The following CCDC172 variants were observed in gnomAD, a reference collection of about 807,000 sequenced individuals.
The protein encoded by CCDC172 is coiled-coil domain-containing protein 172.
A neutral mutation model predicts 38.0 loss-of-function variants in CCDC172; 30 were observed. That is an observed-to-expected ratio of 0.79 (90% CI 0.59 to 1.07). The LOEUF is 1.07. CCDC172 is among the 50% of genes least tolerant of loss of function. The pLI, the probability that CCDC172 is intolerant of heterozygous loss-of-function variation, is 0.00. For missense variants in CCDC172, 297 were observed against 290.1 expected, an observed-to-expected ratio of 1.02 and a Z score of -0.17; for synonymous variants, 78 against 88.3, an observed-to-expected ratio of 0.88 and a Z score of 0.66.
intron 7 of CCDC172, 91 bp from the exon 8 acceptor site, chr10:116,378,332 A>T: frequency 8.0e-7 from 1 of 1,254,128 alleles, no homozygotes; most frequent in Admixed American, 3.1e-5. Context: ...TGAAATTCTG[A>T]TTATAGAAGC....
intron 4 of CCDC172, among the ~76,000 whole-genome samples, chr10:116,341,396 T>A (rs921817034): frequency 6.6e-6 from 1 of 152,088 alleles, no homozygotes; most frequent in African/African-American, 2.4e-5. Flanking sequence ...AAAATGAGGC[T>A]TAAAATTCAT....
chr10:116,336,245 T>C (rs1202958878), intron 3 of CCDC172, among the ~76,000 whole-genome samples: 1 of 148,434 alleles, frequency 6.7e-6, no homozygotes, highest in African/African-American at 2.4e-5. Context: ...ATATTATATA[T>C]AATAGTATGT....
chr10:116,376,114 G>T (rs1008293249), intron 7 of CCDC172, among the ~76,000 whole-genome samples: 1 of 152,154 alleles, frequency 6.6e-6, no homozygotes, highest in Non-Finnish European at 1.5e-5. Flanking sequence ...GCAAAGACTT[G>T]GAACCATCCA....
At chr10:116,326,722 T>C in intron 3 of CCDC172, among the ~76,000 whole-genome samples, 1 of 152,210 alleles carries the variant, frequency 6.6e-6, no homozygotes. Context: ...ATCTGGAATT[T>C]TTTTCCTTAT....
At position 116,353,887 on chromosome 10, in the gene CCDC172, A is replaced by G. The variant is rs2044162883; in HGVS notation, c.449-3493A>G. ...AGCAATAGTGTTGGCAAGAATATGG[A>G]GAAATTGGAGAAATGTAAAATGATG... is the stretch of plus-strand genomic sequence containing the variant. On this transcript the variant is annotated intron_variant, in intron 5 of 8. Transcript: ENST00000333254. Among the ~76,000 whole-genome samples, 6 of 152,196 alleles carry G rather than the reference A, an allele frequency of 3.9e-5. No individual in the cohort carries two copies. The South Asian group carries it at 1.0e-3, about 26-fold the overall frequency.
chr10:116,341,115 A>C (rs1844788712), intron 4 of CCDC172, among the ~76,000 whole-genome samples: 1 of 151,998 alleles, frequency 6.6e-6, no homozygotes, highest in Admixed American at 6.6e-5. Flanking sequence ...GAATTGCTCA[A>C]GCATTGAGAC....
intron 3 of CCDC172, among the ~76,000 whole-genome samples, chr10:116,331,410 C>T (rs1378850272): frequency 6.6e-6 from 1 of 152,018 alleles, no homozygotes; most frequent in African/African-American, 2.4e-5. Flanking sequence ...GTGATATGTA[C>T]CACCTCTTGG....
At chr10:116,346,828 A>G (rs924833149) in intron 5 of CCDC172, among the ~76,000 whole-genome samples, 1 of 152,104 alleles carries the variant, frequency 6.6e-6, no homozygotes, top group Non-Finnish European at 1.5e-5. Context: ...TTTTCATATA[A>G]AACTTTAATC....
chr10:116,374,201 G>C (rs958715583), intron 7 of CCDC172, among the ~76,000 whole-genome samples: 3 of 152,178 alleles, frequency 2.0e-5, no homozygotes, highest in Non-Finnish European at 2.9e-5. Context: ...TGCACTTAAT[G>C]ATGAGCCCAA....
intron 7 of CCDC172, among the ~76,000 whole-genome samples, chr10:116,360,853 C>T (rs991386574): frequency 1.3e-5 from 2 of 152,176 alleles, no homozygotes; most frequent in East Asian, 1.9e-4. Flanking sequence ...TAGTCTAATA[C>T]TGGGGTTTGA....
intron 8 of CCDC172, 49 bp downstream of exon 8, chr10:116,378,559 C>T: frequency 6.9e-7 from 1 of 1,451,716 alleles, no homozygotes; most frequent in Non-Finnish European, 9.6e-7. Flanking sequence ...ATTTTACCTA[C>T]TGGTAAGGAA....
At chr10:116,364,238 A>G (rs530467637) in intron 7 of CCDC172, among the ~76,000 whole-genome samples, 6 of 152,322 alleles carry the variant, frequency 3.9e-5, no homozygotes, top group African/African-American at 1.4e-4. Context: ...AATGTAAATT[A>G]AAACCACTAA....
intron 5 of CCDC172, among the ~76,000 whole-genome samples, chr10:116,344,308 A>G (rs1844837113): frequency 1.3e-5 from 2 of 152,220 alleles, no homozygotes; most frequent in Non-Finnish European, 2.9e-5. Context: ...TGGATGGGAT[A>G]ACCTATTACA....
At chr10:116,333,425 T>C (rs1818263280) in intron 3 of CCDC172, among the ~76,000 whole-genome samples, 1 of 152,150 alleles carries the variant, frequency 6.6e-6, no homozygotes, top group African/African-American at 2.4e-5. Flanking sequence ...CTTGCACATG[T>C]GCCAAGTTTT....
chr10:116,361,176 G>A lies in CCDC172; in HGVS notation c.653+3238G>A, dbSNP rs764531551. Among the ~76,000 whole-genome samples the A allele has an allele frequency of 2.6e-5, 4 of 151,700 alleles. No individual in the cohort carries two copies. The South Asian group carries it at 6.3e-4, about 24-fold the overall frequency. Reference sequence around the variant, plus strand: ...ATTTTTGTATTTTTAGTAGAGACACGGTTTCACCACGTTGGCCAGACTGAT... The same window carrying A: ...ATTTTTGTATTTTTAGTAGAGACACAGTTTCACCACGTTGGCCAGACTGAT... On this transcript the variant is annotated intron_variant, in intron 7 of 8. Coordinates refer to ENST00000333254, the MANE Select transcript of CCDC172 (RefSeq NM_198515.3).
At chr10:116,333,782 G>A (rs1310002612) in intron 3 of CCDC172, among the ~76,000 whole-genome samples, 1 of 152,120 alleles carries the variant, frequency 6.6e-6, no homozygotes, top group African/African-American at 2.4e-5. Context: ...GAGGAAAAGA[G>A]GAAGAATAAT....
chr10:116,372,031 C>A (rs1845191473), intron 7 of CCDC172, among the ~76,000 whole-genome samples: 1 of 152,042 alleles, frequency 6.6e-6, no homozygotes, highest in Non-Finnish European at 1.5e-5. Flanking sequence ...TTCCTTTCTT[C>A]TATCTACCAT....
In CCDC172 at chr10:116,340,137, C is replaced by T. The variant is rs556260282; in HGVS notation, c.166-597C>T. Among the ~76,000 whole-genome samples, 4 of 151,886 alleles carry T rather than the reference C, an allele frequency of 2.6e-5. No homozygotes were observed. In the East Asian group the frequency reaches 7.7e-4, roughly 29 times the overall value. ...TCCAAATGAAATAACAGTTGCATGT[C>T]TAACATTAATGTTTATTATACCTTT... On this transcript the variant is annotated intron_variant, in intron 3 of 8. Transcript: ENST00000333254.
At chr10:116,373,686 C>A (rs7089371) in intron 7 of CCDC172, among the ~76,000 whole-genome samples, 9 of 151,712 alleles carry the variant, frequency 5.9e-5, no homozygotes, top group Non-Finnish European at 1.2e-4. Context: ...TGTATTTTTA[C>A]TAGAGACGGG....
Sources: allele counts gnomAD v4.1 joint callset (sites outside exome capture counted in the v4.1 genomes callset), GRCh38; gene constraint gnomAD v4.1.1; transcripts MANE v1.5; gene names NCBI Gene and HGNC (gene_info 2026-07-23, HGNC 2026-07-21).